NHS: variants seen among roughly 807,000 people sequenced by gnomAD.
NHS encodes the protein NHS actin remodeling regulator.
Under a neutral mutation model 72.5 loss-of-function variants are expected in NHS, and 5 were observed. That is an observed-to-expected ratio of 0.07 (90% confidence interval 0.04 to 0.14). NHS has a LOEUF of 0.14. Among genes scored for constraint, NHS ranks in the 10% least tolerant of loss-of-function variants. The pLI, the probability that NHS is intolerant of heterozygous loss-of-function variation, is 1.00. For synonymous variants in NHS, 464 were observed against 547.7 expected (o/e 0.85, Z 2.13); for missense variants, 1,072 against 1,355.7 (o/e 0.79, Z 3.29).
chrX:17,380,083 C>T (rs1297274848), intron 1 of NHS, among the ~76,000 whole-genome samples: 1 of 111,483 alleles, frequency 9.0e-6, no homozygotes, highest in Admixed American at 9.5e-5. Context: ...ACTTTGAAAG[C>T]TTCACAGGGA....
At chrX:17,590,906 A>C (rs1250485594) in intron 1 of NHS, among the ~76,000 whole-genome samples, 1 of 112,110 alleles carries the variant, frequency 8.9e-6, no homozygotes, top group African/African-American at 3.2e-5. Context: ...GGAATGATGG[A>C]TTATCATCAT....
intron 1 of NHS, among the ~76,000 whole-genome samples, chrX:17,662,890 A>C (rs1446023087): frequency 8.9e-6 from 1 of 112,302 alleles, no homozygotes; most frequent in Non-Finnish European, 1.9e-5. Flanking sequence ...TTTATTGTAA[A>C]TAGAAGCAAA....
intron 1 of NHS, among the ~76,000 whole-genome samples, chrX:17,430,361 T>TTC (rs1555988233): frequency 1.1e-5 from 1 of 95,192 alleles, no homozygotes; most frequent in African/African-American, 4.1e-5. Flanking sequence ...CTTTTTCTTC[T>TTC]TTCTTTCTTT....
Position 17,616,795 on chromosome X carries a change from C to CA in NHS, c.566-70946dup, listed in dbSNP as rs749014685. ...GATTTAATATCAGCCTGTACATTTACATTTGAATTAATTAAAATTAAACAA... is the reference window on the plus strand; with the variant it reads ...GATTTAATATCAGCCTGTACATTTACAATTTGAATTAATTAAAATTAAACAA... On this transcript the variant is annotated intron_variant, in intron 1 of 8. Coordinates refer to ENST00000676302, the MANE Select transcript of NHS (RefSeq NM_001291867.2). Among the ~76,000 whole-genome samples, 3 of 112,479 alleles carry CA rather than the reference C, an allele frequency of 2.7e-5. No individual in the cohort carries two copies. The East Asian group carries it at 8.3e-4, about 31-fold the overall frequency.
intron 1 of NHS, chrX:17,687,405 C>T (rs1253879164): frequency 1.1e-5 from 3 of 266,261 alleles, no homozygotes; most frequent in Non-Finnish European, 2.0e-5. Context: ...GGACCCCCAT[C>T]TCCACCCCCA....
chrX:17,556,382 C>T (rs912051344), intron 1 of NHS, among the ~76,000 whole-genome samples: 12 of 112,926 alleles, frequency 1.1e-4, no homozygotes, highest in African/African-American at 3.2e-4. Context: ...GCACAGACCA[C>T]GCAAATGGCC....
At chrX:17,376,409 G>C in intron 1 of NHS, 87 bp downstream of exon 1, 1 of 874,599 alleles carries the variant, frequency 1.1e-6, no homozygotes, top group Non-Finnish European at 1.6e-6. Context: ...TCCCAGCCCC[G>C]CGGCGCCGCT....
chrX:17,594,263 A>C (rs543108877), intron 1 of NHS, among the ~76,000 whole-genome samples: 141 of 112,348 alleles, frequency 1.3e-3, no homozygotes, highest in Middle Eastern at 4.6e-3. Context: ...CAAAAGCAAA[A>C]CAAAACCAAA....
intron 1 of NHS, among the ~76,000 whole-genome samples, chrX:17,524,481 T>C (rs112319200): frequency 0.027 from 2,994 of 112,600 alleles, 104 homozygotes; most frequent in African/African-American, 0.091. Context: ...CATTTAGTTG[T>C]CCTGTCTCTT....
chrX:17,555,255 T>C (rs1188025658), intron 1 of NHS, among the ~76,000 whole-genome samples: 1 of 102,096 alleles, frequency 9.8e-6, no homozygotes, highest in Non-Finnish European at 2.0e-5. Flanking sequence ...CAAACCTTGG[T>C]TTGGATTTGT....
intron 1 of NHS, among the ~76,000 whole-genome samples, chrX:17,520,423 G>A (rs1218827784): frequency 8.9e-6 from 1 of 112,036 alleles, no homozygotes. Flanking sequence ...GGACTGGCTC[G>A]GAGGATAGCA....
At chrX:17,412,215 AT>A (rs956642189) in intron 1 of NHS, among the ~76,000 whole-genome samples, 1 of 108,754 alleles carries the variant, frequency 9.2e-6, no homozygotes, top group African/African-American at 3.3e-5. Flanking sequence ...CTTTTATAAT[AT>A]ATATTATATA....
chrX:17,450,657 C>G (rs991977409), intron 1 of NHS, among the ~76,000 whole-genome samples: 8 of 112,304 alleles, frequency 7.1e-5, no homozygotes, highest in African/African-American at 2.6e-4. Flanking sequence ...AGGTGGATCA[C>G]CTGAGGTCAG....
intron 1 of NHS, among the ~76,000 whole-genome samples, chrX:17,548,584 ACG>A (rs963217594): frequency 7.1e-5 from 8 of 111,910 alleles, no homozygotes; most frequent in African/African-American, 2.6e-4. Flanking sequence ...ACACACACAC[ACG>A]CACACATTCC....
intron 1 of NHS, among the ~76,000 whole-genome samples, chrX:17,482,595 G>A (rs1020501147): frequency 1.8e-5 from 2 of 111,525 alleles, no homozygotes; most frequent in Non-Finnish European, 3.8e-5. Context: ...CAGGACTCCA[G>A]ACATAACTGT....
intron 1 of NHS, among the ~76,000 whole-genome samples, chrX:17,461,066 C>T (rs183448445): frequency 8.0e-4 from 90 of 112,291 alleles, no homozygotes; most frequent in African/African-American, 2.7e-3. Flanking sequence ...TGGAACTTTG[C>T]TAGGTACTGT....
intron 1 of NHS, among the ~76,000 whole-genome samples, chrX:17,498,405 C>A (rs2065022746): frequency 1.8e-5 from 2 of 111,368 alleles, no homozygotes; most frequent in African/African-American, 6.5e-5. Flanking sequence ...TTGCCTCGCC[C>A]AAAAGTCATG....
intron 1 of NHS, among the ~76,000 whole-genome samples, chrX:17,464,983 G>A (rs1352146645): frequency 8.9e-6 from 1 of 112,172 alleles, no homozygotes; most frequent in African/African-American, 3.2e-5. Flanking sequence ...GGCAATACAT[G>A]GACACTGGTA....
intron 1 of NHS, among the ~76,000 whole-genome samples, chrX:17,388,651 A>G (rs1310854709): frequency 2.7e-5 from 3 of 109,516 alleles, no homozygotes; most frequent in Non-Finnish European, 5.7e-5. Context: ...AGTGGGGCGG[A>G]TCACCTAGGG....
Sources: allele counts gnomAD v4.1 joint callset (sites outside exome capture counted in the v4.1 genomes callset), GRCh38; gene constraint gnomAD v4.1.1; transcripts MANE v1.5; gene names NCBI Gene and HGNC (gene_info 2026-07-23, HGNC 2026-07-21).